The following BFAR variants were observed in gnomAD, a reference collection of about 807,000 sequenced individuals.
BFAR encodes bifunctional apoptosis regulator, also known as RING finger protein 47.
In BFAR, 52 loss-of-function variants were observed where a neutral mutation model predicts 54.4. The observed-to-expected ratio is 0.96, with a 90% confidence interval of 0.77 to 1.21. The LOEUF is 1.21. Ranked by LOEUF, BFAR falls within the 50% of genes most tolerant of loss-of-function variation. BFAR has a pLI of 0.00. For synonymous variants in BFAR, 215 were observed against 204.3 expected (o/e 1.05, Z -0.45); for missense variants, 571 against 534.0 (o/e 1.07, Z -0.68).
chr16:14,661,078 GTAGTAAAACTTGAT>G (rs1960274650), intron 5 of BFAR, among the ~76,000 whole-genome samples: 2 of 152,206 alleles, frequency 1.3e-5, no homozygotes, highest in East Asian at 3.9e-4. Context: ...AACATTCACT[GTAGTAAAACTTGAT>G]TTAAAAAACT....
chr16:14,641,083 T>G (rs985262817), intron 1 of BFAR, among the ~76,000 whole-genome samples: 1 of 152,248 alleles, frequency 6.6e-6, no homozygotes, highest in Non-Finnish European at 1.5e-5. Flanking sequence ...AACCCAGTCA[T>G]TCTTCCCATT....
chr16:14,649,235 G>T (rs1331348341), intron 3 of BFAR, among the ~76,000 whole-genome samples: 1 of 151,820 alleles, frequency 6.6e-6, no homozygotes, highest in Non-Finnish European at 1.5e-5. Flanking sequence ...GCCACTACAA[G>T]AGGCTAATTT....
In BFAR at chr16:14,636,187, C is replaced by T. The variant is rs554981659; in HGVS notation, c.-74+3169C>T. 7.9e-5 allele frequency among the ~76,000 whole-genome samples: 12 copies of T among 152,090 alleles called. 1 individual carries two copies. Among genetic ancestry groups the T allele is most frequent in the Admixed American group, 7.2e-4 (11 of 15,268 alleles). The stretch of plus-strand genomic sequence containing the variant: ...CCCCTCCACACCTGTGGGTGTTTCT[C>T]GTTAGGTGGAACGAGAGACTTGGAA... On this transcript the variant is annotated intron_variant, in intron 1 of 7. Transcript: ENST00000261658.
At chr16:14,634,329 T>C (rs1022522918) in intron 1 of BFAR, among the ~76,000 whole-genome samples, 24 of 152,246 alleles carry the variant, frequency 1.6e-4, no homozygotes, top group Non-Finnish European at 3.2e-4. Flanking sequence ...AGGTGTGCTC[T>C]GCATTTCCCT....
Position 14,647,096 on chromosome 16 carries a change from CTT to C in BFAR, c.264-1287_264-1286del, listed in dbSNP as rs1192887117. ...CCAGCCTCAGATTTTTCAAAATACT[CTT>C]TTTTGAGACAGAGTCTCGCTCTGTT... On this transcript the variant is annotated intron_variant, in intron 2 of 7. Coordinates refer to ENST00000261658, the MANE Select transcript of BFAR (RefSeq NM_016561.3). Among the ~76,000 whole-genome samples the C allele has an allele frequency of 4.0e-5, 6 of 150,824 alleles. No homozygotes were observed. The South Asian group carries it at 1.1e-3, about 26-fold the overall frequency.
At chr16:14,663,391 G>C (rs1367179279) in intron 6 of BFAR, among the ~76,000 whole-genome samples, 1 of 151,976 alleles carries the variant, frequency 6.6e-6, no homozygotes. Flanking sequence ...GAGTGCAGTG[G>C]CGCAATCTTG....
Position 14,649,970 on chromosome 16 carries a change from GA to G in BFAR, c.637del (p.Arg213GlyfsTer4). 6.2e-7 allele frequency: 1 copy of G among 1,605,818 alleles called. No homozygotes were observed. Among genetic ancestry groups the G allele is most frequent in the Non-Finnish European group, 8.5e-7 (1 of 1,175,122 alleles). On this transcript the variant is annotated frameshift_variant and splice_region_variant, in exon 4 of 8. Coordinates refer to ENST00000261658, the MANE Select transcript of BFAR (RefSeq NM_016561.3). LOFTEE classifies it high-confidence loss of function. ...AGGTTTTTATCTGAACGAGTAAATG[GA>G]AGGTGAGGAGCAAAGTCTTCTGACA... ...RERFLSERVN[G>X]RLLLTLTEEE... is the part of the protein sequence containing the mutation.
intron 7 of BFAR, among the ~76,000 whole-genome samples, chr16:14,666,878 A>G (rs1960456240): frequency 6.6e-6 from 1 of 152,178 alleles, no homozygotes; most frequent in Admixed American, 6.6e-5. Context: ...GACAGTCTAT[A>G]GTGTGAGGCC....
chr16:14,644,000 A>G (rs576252143), intron 1 of BFAR, among the ~76,000 whole-genome samples: 6 of 151,944 alleles, frequency 3.9e-5, no homozygotes, highest in African/African-American at 1.4e-4. Flanking sequence ...TCTCTGCTAA[A>G]AAAATATGAA....
At chr16:14,638,751 G>A (rs1224206357) in intron 1 of BFAR, among the ~76,000 whole-genome samples, 1 of 152,132 alleles carries the variant, frequency 6.6e-6, no homozygotes, top group Non-Finnish European at 1.5e-5. Flanking sequence ...TTTGAAACCA[G>A]TCTGGCCAAC....
At chr16:14,660,584 CTTT>C (rs547361112) in intron 5 of BFAR, among the ~76,000 whole-genome samples, 2 of 117,404 alleles carry the variant, frequency 1.7e-5, no homozygotes, top group Admixed American at 9.3e-5. Context: ...CGCACTCGGC[CTTT>C]TTTTTTTTTT....
At chr16:14,635,592 A>G (rs926787091) in intron 1 of BFAR, among the ~76,000 whole-genome samples, 2 of 152,014 alleles carry the variant, frequency 1.3e-5, no homozygotes, top group African/African-American at 4.8e-5. Context: ...ACCCTACACC[A>G]CCTAGGGCAA....
At chr16:14,665,941 A>C (rs1336068514) in intron 7 of BFAR, among the ~76,000 whole-genome samples, 3 of 152,184 alleles carry the variant, frequency 2.0e-5, no homozygotes, top group Non-Finnish European at 4.4e-5. Context: ...CTTAGGCTTC[A>C]AGCATGACTG....
intron 2 of BFAR, among the ~76,000 whole-genome samples, chr16:14,647,061 G>A (rs1348778597): frequency 6.6e-6 from 1 of 151,948 alleles, no homozygotes; most frequent in Non-Finnish European, 1.5e-5. Flanking sequence ...ACAGGCGTGA[G>A]CCACTACACC....
intron 5 of BFAR, among the ~76,000 whole-genome samples, chr16:14,657,616 CACT>C (rs1309310772): frequency 6.6e-6 from 1 of 151,966 alleles, no homozygotes; most frequent in Non-Finnish European, 1.5e-5. Context: ...GACCTTAGCT[CACT>C]ACAACCTCTG....
At chr16:14,657,773 C>T (rs1334154236) in intron 5 of BFAR, among the ~76,000 whole-genome samples, 1 of 151,234 alleles carries the variant, frequency 6.6e-6, no homozygotes, top group East Asian at 2.0e-4. Flanking sequence ...AACTCCTGAC[C>T]TCAGGTGATC....
At chr16:14,644,828 A>T (rs1410177899) in intron 2 of BFAR, among the ~76,000 whole-genome samples, 3 of 152,052 alleles carry the variant, frequency 2.0e-5, no homozygotes, top group Admixed American at 1.3e-4. Flanking sequence ...TCTTAACAGG[A>T]ACAGCAGTGT....
At chr16:14,656,379 A>G (rs1005792709) in intron 5 of BFAR, among the ~76,000 whole-genome samples, 4 of 152,034 alleles carry the variant, frequency 2.6e-5, no homozygotes, top group African/African-American at 4.8e-5. Context: ...TACAGACACA[A>G]AAAAAATTAG....
chr16:14,652,095 C>G (rs1184796932), intron 4 of BFAR, among the ~76,000 whole-genome samples: 1 of 151,604 alleles, frequency 6.6e-6, no homozygotes. Flanking sequence ...CCATGTTGAC[C>G]AGGCTGGTGT....
Sources: allele counts gnomAD v4.1 joint callset (sites outside exome capture counted in the v4.1 genomes callset), GRCh38; gene constraint gnomAD v4.1.1; transcripts MANE v1.5; gene names NCBI Gene and HGNC (gene_info 2026-07-23, HGNC 2026-07-21).